The following AGAP1 variants were observed in gnomAD, a reference collection of about 807,000 sequenced individuals.
AGAP1 encodes the protein ArfGAP with GTPase domain, ankyrin repeat and PH domain 1.
A neutral mutation model predicts 105.3 loss-of-function variants in AGAP1; 29 were observed. That is an observed-to-expected ratio of 0.28 (90% CI 0.21 to 0.38). The LOEUF is 0.38. Ranked by LOEUF, AGAP1 falls within the 10% of genes least tolerant of loss-of-function variation. The pLI is 1.00. For missense variants in AGAP1, 998 were observed against 1,165.1 expected, an observed-to-expected ratio of 0.86 and a Z score of 2.09; for synonymous variants, 509 against 485.9, an observed-to-expected ratio of 1.05 and a Z score of -0.63.
rs138053696 is a variant in AGAP1, at chr2:235,631,027, G to A, written c.164-78152G>A. On this transcript the variant is annotated intron_variant, in intron 1 of 17. Coordinates refer to ENST00000304032, the MANE Select transcript of AGAP1 (RefSeq NM_001037131.3). This position sits in a 1 kb window ranked among gnomAD's most constrained non-coding sequence, Gnocchi z 5.4. ...GTAACTGTGAATCGTGTCGTAAAAC[G>A]CGTCTTTGGCCTGTCAAAAATATTT... 7.9e-5 allele frequency among the ~76,000 whole-genome samples: 12 copies of A among 152,260 alleles called. No homozygotes were observed. Among genetic ancestry groups the A allele is most frequent in the South Asian group, 2.1e-4 (1 of 4,826 alleles).
chr2:236,015,994 A>G (rs1176968407), intron 13 of AGAP1, among the ~76,000 whole-genome samples: 1 of 151,896 alleles, frequency 6.6e-6, no homozygotes, highest in Non-Finnish European at 1.5e-5. Context: ...TTTCTTTCAC[A>G]ATTACTCCTG....
rs2106580794 is a variant in AGAP1, at chr2:235,875,089, G to A, written c.1051-8256G>A. Among the ~76,000 whole-genome samples, 1 of 152,284 alleles carries A rather than the reference G, an allele frequency of 6.6e-6. No homozygotes were observed. Among genetic ancestry groups the A allele is most frequent in the African/African-American group, 2.4e-5 (1 of 41,560 alleles). On this transcript the variant is annotated intron_variant, in intron 9 of 17. Coordinates refer to ENST00000304032, the MANE Select transcript of AGAP1 (RefSeq NM_001037131.3). The surrounding 1 kb of genome is among the most constrained non-coding windows in gnomAD (Gnocchi z 4.0). ...AGTATTCCTGGGGTCCTGGGATGGA[G>A]AGAGCCCTGTCACCCCCTCTCCCCC...
intron 1 of AGAP1, among the ~76,000 whole-genome samples, chr2:235,674,693 C>CTTTTTTTTTTTT (rs201019044): frequency 5.9e-5 from 8 of 136,292 alleles, no homozygotes; most frequent in African/African-American, 2.2e-4. Flanking sequence ...GGGTGATAGA[C>CTTTTTTTTTTTT]TTTTTTTTTT....
chr2:235,683,345 T>C (rs1949193173), intron 1 of AGAP1, among the ~76,000 whole-genome samples: 2 of 152,058 alleles, frequency 1.3e-5, no homozygotes, highest in Non-Finnish European at 2.9e-5. Context: ...AAAATACTGA[T>C]CCCTTGGAAA....
intron 1 of AGAP1, among the ~76,000 whole-genome samples, chr2:235,688,390 T>G (rs1949570423): frequency 6.6e-6 from 1 of 152,194 alleles, no homozygotes; most frequent in Admixed American, 6.5e-5. Flanking sequence ...CCAACATTGT[T>G]TTTTTCATTC....
intron 6 of AGAP1, among the ~76,000 whole-genome samples, chr2:235,755,827 C>T (rs1307560435): frequency 1.3e-5 from 2 of 152,214 alleles, no homozygotes; most frequent in African/African-American, 2.4e-5. Flanking sequence ...TCTGGACAGA[C>T]AGAGTGTGTG....
intron 13 of AGAP1, among the ~76,000 whole-genome samples, chr2:235,972,322 T>C (rs2054681918): frequency 6.6e-6 from 1 of 152,108 alleles, no homozygotes; most frequent in Non-Finnish European, 1.5e-5. Context: ...ATAAGAAAAA[T>C]AGAATTCCAT....
intron 1 of AGAP1, among the ~76,000 whole-genome samples, chr2:235,627,648 T>C (rs1443021956): frequency 6.6e-6 from 1 of 152,170 alleles, no homozygotes; most frequent in Non-Finnish European, 1.5e-5. Context: ...CATCTGTTGA[T>C]TTTGGGGTCT....
Position 235,586,772 on chromosome 2 carries a change from G to A in AGAP1, c.163+91923G>A, listed in dbSNP as rs1307757524. Among the ~76,000 whole-genome samples, 1 of 152,208 alleles carries A rather than the reference G, an allele frequency of 6.6e-6. No homozygotes were observed. The highest frequency in any genetic ancestry group is 1.5e-5 in the Non-Finnish European group (1 of 68,038). The stretch of plus-strand genomic sequence containing the variant: ...TGTTCCATCAGAGGAAACATAGTCT[G>A]GGGGACAAATCCTCCCATTCCTGAT... On this transcript the variant is annotated intron_variant, in intron 1 of 17. Transcript: ENST00000304032. The surrounding 1 kb of genome is among the most constrained non-coding windows in gnomAD (Gnocchi z 4.2).
rs539689070 is a variant in AGAP1 at position 235,607,770 on chromosome 2, G to A, written c.164-101409G>A. ...AGCCTCCTGGAGGTGGAAGGGCAGC[G>A]GGGCGCGAGACTGCTGCGCTGGTGG... On this transcript the variant is annotated intron_variant, in intron 1 of 17. Coordinates refer to ENST00000304032, the MANE Select transcript of AGAP1 (RefSeq NM_001037131.3). 2.0e-3 allele frequency among the ~76,000 whole-genome samples: 302 copies of A among 152,326 alleles called. 2 individuals carry two copies. The highest frequency in any genetic ancestry group is 3.6e-3 in the African/African-American group (148 of 41,570).
At chr2:235,773,818 T>C in intron 6 of AGAP1, 1 of 402,524 alleles carries the variant, frequency 2.5e-6, no homozygotes, top group Non-Finnish European at 4.9e-6. Context: ...CCCTTTGTTT[T>C]CCTTTACTGT....
chr2:235,807,314 G>C lies in AGAP1; in HGVS notation c.1033G>C (p.Ala345Pro). The C allele has an allele frequency of 1.3e-6, 2 of 1,598,478 alleles. No individual in the cohort carries two copies. The highest frequency in any genetic ancestry group is 1.7e-6 in the Non-Finnish European group (2 of 1,175,996). Residue 345 changes from alanine (A) to proline (P), a missense_variant, in exon 9 of 18, where the codon GCC becomes CCC. Physicochemically the swap from Ala to Pro is conservative, Grantham distance 27. Coordinates refer to ENST00000304032, the MANE Select transcript of AGAP1 (RefSeq NM_001037131.3). ...TGCGGACAGCATTGGGAGCGGCCGA[G>C]CCATCCCAATTAAACAGGTGAGCAG... ...SRADSIGSGR[A>P]IPIKQGMLLK... is the part of the protein sequence containing the mutation.
rs2050136588 is a variant in AGAP1, at chr2:235,883,626, G to A, written c.1155+177G>A. 6.6e-6 allele frequency among the ~76,000 whole-genome samples: 1 copy of A among 152,170 alleles called. No homozygotes were observed. The stretch of plus-strand genomic sequence containing the variant: ...TTCCTCACACTCCACTAGACCATAT[G>A]TCTTTCTCTCTCTTCCCCTCCCTAC... On this transcript the variant is annotated intron_variant, in intron 10 of 17. Coordinates refer to ENST00000304032, the MANE Select transcript of AGAP1 (RefSeq NM_001037131.3). This position sits in a 1 kb window ranked among gnomAD's most constrained non-coding sequence, Gnocchi z 4.5.
chr2:236,109,724 CA>C lies in AGAP1; in HGVS notation c.2115-10467del, dbSNP rs1458364985. ...TCTGGATCCGAGCATCCCAGGGTAG[CA>C]GCTGCCAACCACATACTTATGTAAA... is the stretch of plus-strand genomic sequence containing the variant. On this transcript the variant is annotated intron_variant, in intron 16 of 17. Transcript: ENST00000304032. This position sits in a 1 kb window ranked among gnomAD's most constrained non-coding sequence, Gnocchi z 5.4. Among the ~76,000 whole-genome samples, 1 of 152,234 alleles carries C rather than the reference CA, an allele frequency of 6.6e-6. No homozygotes were observed. The highest frequency in any genetic ancestry group is 1.5e-5 in the Non-Finnish European group (1 of 68,038).
chr2:236,001,919 G>A lies in AGAP1; in HGVS notation c.1645+33296G>A, dbSNP rs568077180. 2.0e-5 allele frequency among the ~76,000 whole-genome samples: 3 copies of A among 152,236 alleles called. No homozygotes were observed. Among genetic ancestry groups the A allele is most frequent in the African/African-American group, 7.2e-5 (3 of 41,538 alleles). On this transcript the variant is annotated intron_variant, in intron 13 of 17. Coordinates refer to ENST00000304032, the MANE Select transcript of AGAP1 (RefSeq NM_001037131.3). This position sits in a 1 kb window ranked among gnomAD's most constrained non-coding sequence, Gnocchi z 4.7. ...CAGTAATACTTCCCTGAACATCATT[G>A]CACATACATTCTGAAGCGCTCACGC...
intron 1 of AGAP1, among the ~76,000 whole-genome samples, chr2:235,681,379 G>A (rs567355773): frequency 4.6e-5 from 7 of 152,236 alleles, no homozygotes; most frequent in Middle Eastern, 3.4e-3. Context: ...GCACTAGAGC[G>A]TGACTACAAA....
chr2:235,510,414 G>T (rs1942022642), intron 1 of AGAP1, among the ~76,000 whole-genome samples: 1 of 152,142 alleles, frequency 6.6e-6, no homozygotes, highest in Non-Finnish European at 1.5e-5. Flanking sequence ...ATGTTCCATT[G>T]TATGGATTTA....
chr2:236,059,444 T>C (rs1221327626), intron 16 of AGAP1, among the ~76,000 whole-genome samples: 1 of 152,152 alleles, frequency 6.6e-6, no homozygotes, highest in African/African-American at 2.4e-5. Flanking sequence ...CCTGTTTTTT[T>C]CCCAGAAATT....
rs2059820435 is a variant in AGAP1, at chr2:236,118,376, CTTTTCT to C, written c.2115-1805_2115-1800del. The stretch of plus-strand genomic sequence containing the variant: ...CTTCTTACATGTAGGGCTTTTCTTT[CTTTTCT>C]TTTTCTTTTTTTTTTTTTTTTTTTC... On this transcript the variant is annotated intron_variant, in intron 16 of 17. Transcript: ENST00000304032. Among the ~76,000 whole-genome samples the C allele has an allele frequency of 3.6e-5, 5 of 138,650 alleles. No individual in the cohort carries two copies. The East Asian group carries it at 1.0e-3, about 29-fold the overall frequency. 91.0% of individuals were successfully genotyped at this position (138,650 alleles called of 152,430 possible).
Sources: gnomAD v4.1 joint callset for allele counts (sites outside exome capture counted in the v4.1 genomes callset) on GRCh38, gnomAD v4.1.1 for gene constraint, Gnocchi (gnomAD v3.1) non-coding constraint, MANE v1.5 for transcripts, NCBI Gene and HGNC (gene_info 2026-07-23, HGNC 2026-07-21) for gene names.